Variants in CHRM3 observed in about 807,000 individuals in gnomAD.
CHRM3 encodes the protein cholinergic receptor muscarinic 3, also known as muscarinic acetylcholine receptor M3.
CHRM3 carries 11 observed loss-of-function variants against 41.8 expected under a neutral mutation model. The observed-to-expected ratio is 0.26, with a 90% CI of 0.17 to 0.44. The LOEUF is 0.44. Among genes scored for constraint, CHRM3 ranks in the 20% least tolerant of loss-of-function variants. The pLI is 1.00. For synonymous variants in CHRM3, 297 were observed against 301.4 expected, an observed-to-expected ratio of 0.99 and a Z score of 0.15; for missense variants, 571 against 745.4, an observed-to-expected ratio of 0.77 and a Z score of 2.72.
At chr1:239,768,495 A>ATC (rs1667397881) in intron 5 of CHRM3, among the ~76,000 whole-genome samples, 1 of 20,760 alleles carries the variant, frequency 4.8e-5, no homozygotes, top group Non-Finnish European at 1.2e-4. Context: ...GGTGAAAATA[A>ATC]ACATGGTGAA....
At chr1:239,551,043 G>A (rs75611877) in intron 3 of CHRM3, among the ~76,000 whole-genome samples, 3,867 of 149,768 alleles carry the variant, frequency 0.026, 179 homozygotes, top group African/African-American at 0.089. Context: ...TATAAAGCAC[G>A]TACATGCTAT....
At chr1:239,689,046 A>C (rs574221173) in intron 5 of CHRM3, among the ~76,000 whole-genome samples, 1 of 151,440 alleles carries the variant, frequency 6.6e-6, no homozygotes, top group East Asian at 1.9e-4. Flanking sequence ...TGATTAAGTC[A>C]TAATTAAAGA....
chr1:239,662,747 T>G (rs1673325129), intron 4 of CHRM3, among the ~76,000 whole-genome samples: 1 of 151,940 alleles, frequency 6.6e-6, no homozygotes, highest in Non-Finnish European at 1.5e-5. Context: ...TTGTTTGTTT[T>G]TCGCTCCTCC....
chr1:239,613,946 A>C (rs536708454), intron 3 of CHRM3, among the ~76,000 whole-genome samples: 10 of 152,198 alleles, frequency 6.6e-5, no homozygotes, highest in Admixed American at 2.6e-4. Flanking sequence ...CTTAAGGCCA[A>C]GAGTTTGAGA....
At chr1:239,504,829 A>G (rs1034528732) in intron 2 of CHRM3, among the ~76,000 whole-genome samples, 2 of 152,118 alleles carry the variant, frequency 1.3e-5, no homozygotes, top group Admixed American at 1.3e-4. Context: ...ACCAAACATC[A>G]TATATTCTCA....
intron 5 of CHRM3, among the ~76,000 whole-genome samples, chr1:239,805,114 G>A (rs533534469): frequency 5.6e-4 from 85 of 152,262 alleles, no homozygotes; most frequent in African/African-American, 1.9e-3. Flanking sequence ...TATGTTTCAT[G>A]ACACACTGGG....
At chr1:239,905,094 T>C (rs1468940490) in intron 6 of CHRM3, among the ~76,000 whole-genome samples, 1 of 152,234 alleles carries the variant, frequency 6.6e-6, no homozygotes, top group Non-Finnish European at 1.5e-5. Context: ...GAATGCTGAA[T>C]GTATCAAATC....
chr1:239,687,991 C>A (rs1652173950), intron 5 of CHRM3, among the ~76,000 whole-genome samples: 1 of 151,940 alleles, frequency 6.6e-6, no homozygotes, highest in Non-Finnish European at 1.5e-5. Context: ...TTCTTACCAC[C>A]ATCAAATACG....
rs1400354838 is a variant in CHRM3, at chr1:239,404,437, A to G, written c.-521+17210A>G. The stretch of plus-strand genomic sequence containing the variant: ...AAGAAAGAAAGAAAGAAAGAAAGAA[A>G]GAAAGAAAGAAAGAAAGAAAGAAAG... On this transcript the variant is annotated intron_variant, in intron 1 of 6. Transcript: ENST00000676153. 2.9e-4 allele frequency among the ~76,000 whole-genome samples: 35 copies of G among 120,260 alleles called. 2 individuals carry two copies. The highest frequency in any genetic ancestry group is 1.0e-3 in the African/African-American group (34 of 33,114). The allele number at this position is 120,260 out of a possible 152,430, so 78.9% of individuals were successfully genotyped here.
At chr1:239,901,332 ATT>A (rs543910211) in intron 6 of CHRM3, among the ~76,000 whole-genome samples, 3 of 143,156 alleles carry the variant, frequency 2.1e-5, no homozygotes, top group South Asian at 2.2e-4. Flanking sequence ...AAACTTTGGG[ATT>A]TTTTTTTTTT....
intron 5 of CHRM3, among the ~76,000 whole-genome samples, chr1:239,792,066 T>G (rs1445439316): frequency 6.6e-6 from 1 of 152,196 alleles, no homozygotes; most frequent in South Asian, 2.1e-4. Context: ...TACCCTGCAG[T>G]GTGTCTCATT....
intron 2 of CHRM3, among the ~76,000 whole-genome samples, chr1:239,526,385 T>C (rs1264788275): frequency 6.6e-6 from 1 of 152,180 alleles, no homozygotes; most frequent in African/African-American, 2.4e-5. Flanking sequence ...AATGAACAAC[T>C]GATATTTTTA....
intron 2 of CHRM3, among the ~76,000 whole-genome samples, chr1:239,541,392 C>G (rs1316520556): frequency 2.0e-5 from 3 of 152,148 alleles, no homozygotes; most frequent in Admixed American, 6.5e-5. Context: ...CTAAAGTTGA[C>G]TTACATCCAT....
chr1:239,409,717 C>T (rs1274192754), intron 1 of CHRM3, among the ~76,000 whole-genome samples: 1 of 152,084 alleles, frequency 6.6e-6, no homozygotes, highest in African/African-American at 2.4e-5. Context: ...CCGAGGTGGG[C>T]GGATCACGAG....
intron 4 of CHRM3, among the ~76,000 whole-genome samples, chr1:239,641,636 T>C (rs2148922281): frequency 1.4e-5 from 2 of 145,788 alleles, no homozygotes; most frequent in African/African-American, 5.2e-5. Context: ...TCCTCCATCC[T>C]TTTATTTTGA....
chr1:239,676,236 A>G (rs1657991796), intron 4 of CHRM3, among the ~76,000 whole-genome samples: 1 of 152,232 alleles, frequency 6.6e-6, no homozygotes, highest in South Asian at 2.1e-4. Context: ...AAGCTCATAG[A>G]TAACAATTAA....
intron 6 of CHRM3, among the ~76,000 whole-genome samples, chr1:239,840,335 T>C (rs1032865278): frequency 2.6e-5 from 4 of 152,212 alleles, no homozygotes; most frequent in Non-Finnish European, 5.9e-5. Flanking sequence ...CCATAACTCA[T>C]TTAAAAGCTC....
At chr1:239,575,103 A>G (rs550016153) in intron 3 of CHRM3, among the ~76,000 whole-genome samples, 2 of 152,334 alleles carry the variant, frequency 1.3e-5, no homozygotes, top group African/African-American at 4.8e-5. Context: ...CATACATCCT[A>G]TGATAAGGAT....
intron 1 of CHRM3, among the ~76,000 whole-genome samples, chr1:239,423,269 A>T (rs185408112): frequency 3.3e-5 from 5 of 152,344 alleles, no homozygotes; most frequent in African/African-American, 1.2e-4. Context: ...GATGATCCTC[A>T]TATTTTTGCA....
Sources: allele counts gnomAD v4.1 joint callset (sites outside exome capture counted in the v4.1 genomes callset), GRCh38; gene constraint gnomAD v4.1.1; transcripts MANE v1.5; gene names NCBI Gene and HGNC (gene_info 2026-07-23, HGNC 2026-07-21).